Variants in MTUS1 observed in about 807,000 individuals in gnomAD.
MTUS1 encodes microtubule associated scaffold protein 1.
MTUS1 carries 109 observed loss-of-function variants against 120.8 expected under a neutral mutation model. The observed-to-expected ratio is 0.90, with a 90% confidence interval of 0.77 to 1.06. The LOEUF is 1.06. MTUS1 is among the 50% of genes least tolerant of loss of function. The pLI, the probability that MTUS1 is intolerant of heterozygous loss-of-function variation, is 0.00. For missense variants in MTUS1, 2,210 were observed against 1,486.3 expected, an observed-to-expected ratio of 1.49 and a Z score of -8.01; for synonymous variants, 737 against 550.5, an observed-to-expected ratio of 1.34 and a Z score of -4.74.
At chr8:17,652,331 T>C (rs924616086) in intron 12 of MTUS1, among the ~76,000 whole-genome samples, 3 of 152,216 alleles carry the variant, frequency 2.0e-5, no homozygotes, top group African/African-American at 7.2e-5. Context: ...AATACTAACA[T>C]AGGCTACACC....
At chr8:17,668,565 A>G (rs1293034923) in intron 8 of MTUS1, among the ~76,000 whole-genome samples, 1 of 152,230 alleles carries the variant, frequency 6.6e-6, no homozygotes, top group Non-Finnish European at 1.5e-5. Flanking sequence ...GACATAATAT[A>G]AAATGTATCC....
rs1380078704 is a variant in MTUS1, at chr8:17,684,505, A to G, written c.2661T>C (p.Cys887=). ...CATCGGGAGCTGTCTGTGGCTGGAT[A>G]CATAAGCTTCGAGGATTCTTTTGCC... ...KSRQKNPRSL[C]IQPQTAPDAL... The change falls in exon 7 of 15, where the codon TGT becomes TGC. Residue 887 remains cysteine (C), a synonymous_variant. Coordinates refer to ENST00000693296, the MANE Select transcript of MTUS1 (RefSeq NM_001363059.2). 4 of 1,614,082 alleles carry G rather than the reference A, an allele frequency of 2.5e-6. No homozygotes were observed. The highest frequency in any genetic ancestry group is 1.3e-5 in the African/African-American group (1 of 74,944).
chr8:17,770,029 CATA>C (rs994771694), intron 1 of MTUS1, among the ~76,000 whole-genome samples: 9 of 152,074 alleles, frequency 5.9e-5, no homozygotes, highest in Middle Eastern at 3.4e-3. Flanking sequence ...GTATATAATA[CATA>C]ATAATTTCCT....
intron 1 of MTUS1, among the ~76,000 whole-genome samples, chr8:17,767,401 G>A (rs209562): frequency 0.24 from 36,513 of 151,404 alleles, 4,847 homozygotes; most frequent in African/African-American, 0.36. Context: ...AAAAGAGTGA[G>A]AGGAGGTAAA....
In MTUS1 at chr8:17,799,493, C is replaced by G. The variant is rs114714430; in HGVS notation, c.-155+1568G>C. Among the ~76,000 whole-genome samples, 1,061 of 152,208 alleles carry G rather than the reference C, an allele frequency of 7.0e-3. 12 individuals are homozygous for G. The highest frequency in any genetic ancestry group is 0.024 in the African/African-American group (1,007 of 41,526). ...TGCTGAAATTGCTTAACTCACTTTTCTCAATCTACCTATTTTTATACAGCA... is the reference window on the plus strand; with the variant it reads ...TGCTGAAATTGCTTAACTCACTTTTGTCAATCTACCTATTTTTATACAGCA... On this transcript the variant is annotated intron_variant, in intron 1 of 14. Coordinates refer to ENST00000693296, the MANE Select transcript of MTUS1 (RefSeq NM_001363059.2).
chr8:17,724,216 A>G (rs2046053348), intron 3 of MTUS1: 1 of 410,312 alleles, frequency 2.4e-6, no homozygotes, highest in South Asian at 1.8e-5. Flanking sequence ...GTGACTAAAA[A>G]AAAAATAATC....
chr8:17,667,507 G>C (rs753409280), intron 8 of MTUS1, among the ~76,000 whole-genome samples: 1 of 152,126 alleles, frequency 6.6e-6, no homozygotes, highest in Non-Finnish European at 1.5e-5. Context: ...ATAGACACTG[G>C]GTTAAGTGTT....
At chr8:17,767,776 T>C (rs1437325237) in intron 1 of MTUS1, among the ~76,000 whole-genome samples, 2 of 149,320 alleles carry the variant, frequency 1.3e-5, no homozygotes, top group Admixed American at 6.7e-5. Context: ...TTGGGGAACA[T>C]GAAGATAAAG....
chr8:17,744,002 A>G (rs1409024180), intron 2 of MTUS1, among the ~76,000 whole-genome samples: 1 of 152,226 alleles, frequency 6.6e-6, no homozygotes, highest in Non-Finnish European at 1.5e-5. Flanking sequence ...AATTAACATT[A>G]AAACAGAAAC....
rs546243579 is a variant in MTUS1 at position 17,647,013 on chromosome 8, C to G, written c.3568G>C (p.Ala1190Pro). 6.2e-7 allele frequency: 1 copy of G among 1,613,980 alleles called. No individual in the cohort carries two copies. The highest frequency in any genetic ancestry group is 1.7e-5 in the Admixed American group (1 of 59,998). Residue 1190 changes from alanine to proline, a missense_variant, in exon 14 of 15, where the codon GCT becomes CCT. Physicochemically the swap from Ala to Pro is conservative, Grantham distance 27. Transcript: ENST00000693296. ...RFQQENEELK[A>P]RMDKHMAISR... ...ATTGCCATGTGCTTGTCCATCCGAG[C>G]TTTCAATTCTTCATTCTCCTGCTGG...
At chr8:17,725,297 G>C (rs1451312256) in intron 3 of MTUS1, among the ~76,000 whole-genome samples, 1 of 152,150 alleles carries the variant, frequency 6.6e-6, no homozygotes, top group Non-Finnish European at 1.5e-5. Flanking sequence ...TAGCGATTTT[G>C]CTCATAAAAA....
chr8:17,697,412 G>T, intron 6 of MTUS1: 1 of 1,611,924 alleles, frequency 6.2e-7, no homozygotes, highest in South Asian at 1.1e-5. Context: ...TCACAGAAGA[G>T]GCAATTTCCA....
intron 3 of MTUS1, among the ~76,000 whole-genome samples, chr8:17,724,406 A>G (rs1038863232): frequency 1.3e-5 from 2 of 152,210 alleles, no homozygotes; most frequent in Non-Finnish European, 2.9e-5. Flanking sequence ...CCCAAACAGG[A>G]AGAAAAATGC....
chr8:17,676,227 G>T (rs752472554), intron 7 of MTUS1: 5 of 702,792 alleles, frequency 7.1e-6, no homozygotes, highest in Non-Finnish European at 2.6e-6. Flanking sequence ...AGCCTCTGCA[G>T]TAGTCCTGAC....
At chr8:17,760,671 C>G (rs2048972515) in intron 1 of MTUS1, among the ~76,000 whole-genome samples, 1 of 152,136 alleles carries the variant, frequency 6.6e-6, no homozygotes, top group Non-Finnish European at 1.5e-5. Flanking sequence ...CTTCATCTCA[C>G]CTGACTCATA....
intron 6 of MTUS1, among the ~76,000 whole-genome samples, chr8:17,696,155 T>C (rs2937902): frequency 0.7 from 106,301 of 151,782 alleles, 37,466 homozygotes; most frequent in Middle Eastern, 0.78. Flanking sequence ...ACTGCTGACC[T>C]CCTCCTCGCT....
chr8:17,786,910 C>G lies in MTUS1; in HGVS notation c.-155+14151G>C, dbSNP rs115032534. On this transcript the variant is annotated intron_variant, in intron 1 of 14. Coordinates refer to ENST00000693296, the MANE Select transcript of MTUS1 (RefSeq NM_001363059.2). The stretch of plus-strand genomic sequence containing the variant: ...CCCTTATGAACTCTTCCACCTCAAA[C>G]CAGCATATACTGTTTTGTATCACAG... Among the ~76,000 whole-genome samples the G allele has an allele frequency of 4.7e-3, 720 of 152,296 alleles. 4 individuals are homozygous for G. Among genetic ancestry groups the G allele is most frequent in the African/African-American group, 0.017 (688 of 41,556 alleles).
intron 1 of MTUS1, among the ~76,000 whole-genome samples, chr8:17,793,289 G>C (rs2051948136): frequency 6.6e-6 from 1 of 152,160 alleles, no homozygotes. Flanking sequence ...CAGCTCTGAT[G>C]CTCTGCTCCC....
intron 6 of MTUS1, among the ~76,000 whole-genome samples, chr8:17,702,030 G>C (rs17633886): frequency 6.6e-6 from 1 of 151,866 alleles, no homozygotes; most frequent in Non-Finnish European, 1.5e-5. Flanking sequence ...AAATGTCAAC[G>C]AACTTAATTC....
Sources: allele counts gnomAD v4.1 joint callset (sites outside exome capture counted in the v4.1 genomes callset), GRCh38; gene constraint gnomAD v4.1.1; transcripts MANE v1.5; gene names NCBI Gene and HGNC (gene_info 2026-07-23, HGNC 2026-07-21).